SVOP: variants seen among roughly 807,000 people sequenced by gnomAD.
SVOP encodes the protein SV2 related protein.
In SVOP, 17 loss-of-function variants were observed where a neutral mutation model predicts 69.1. The observed-to-expected ratio is 0.25, with a 90% CI of 0.17 to 0.37. The LOEUF (loss-of-function observed/expected upper bound fraction) is 0.37, where lower values mean the gene tolerates loss of function less well. Among genes scored for constraint, SVOP ranks in the 10% least tolerant of loss-of-function variants. The probability of loss-of-function intolerance (pLI) is 1.00; values close to 1 mark genes in which losing one functional copy is unlikely to be tolerated. For synonymous variants in SVOP, 238 were observed against 238.6 expected (o/e 1.00, Z 0.02); for missense variants, 435 against 597.5 (o/e 0.73, Z 2.84).
In SVOP at chr12:108,990,014, G is replaced by T. The variant is rs755828796; in HGVS notation, c.36-6253C>A. ...TATACATGAGGAAATGGCTGCTCAGGTTACAGCAGTTGCCCTAGGTCACAC... is the reference window on the plus strand; with the variant it reads ...TATACATGAGGAAATGGCTGCTCAGTTTACAGCAGTTGCCCTAGGTCACAC... On this transcript the variant is annotated intron_variant, in intron 1 of 15. Transcript: ENST00000610966. Among the ~76,000 whole-genome samples, 20 of 152,270 alleles carry T rather than the reference G, an allele frequency of 1.3e-4. 1 individual carries two copies. The highest frequency in any genetic ancestry group is 6.8e-3 in the Middle Eastern group (2 of 294).
chr12:108,981,203 T>C (rs2040133636), intron 2 of SVOP, among the ~76,000 whole-genome samples: 1 of 152,228 alleles, frequency 6.6e-6, no homozygotes, highest in South Asian at 2.1e-4. Flanking sequence ...TGCCGAAAGC[T>C]AGATGTGCAT....
At chr12:108,987,395 T>C (rs2040171489) in intron 1 of SVOP, among the ~76,000 whole-genome samples, 1 of 152,254 alleles carries the variant, frequency 6.6e-6, no homozygotes, top group African/African-American at 2.4e-5. Context: ...AATAATGCTG[T>C]AATGAACATG....
At chr12:108,987,404 T>C (rs1005521742) in intron 1 of SVOP, among the ~76,000 whole-genome samples, 2 of 152,214 alleles carry the variant, frequency 1.3e-5, no homozygotes, top group East Asian at 3.8e-4. Context: ...GTAATGAACA[T>C]GAGTGTACAA....
chr12:108,919,556 C>T (rs1403293847), intron 13 of SVOP, 119 bp downstream of exon 13: 1 of 715,206 alleles, frequency 1.4e-6, no homozygotes, highest in Non-Finnish European at 2.4e-6. Context: ...CTTGGGCCTG[C>T]ACCTCCACCT....
intron 1 of SVOP, among the ~76,000 whole-genome samples, chr12:109,016,283 C>T (rs1277326376): frequency 2.6e-5 from 4 of 152,234 alleles, no homozygotes; most frequent in Non-Finnish European, 5.9e-5. Context: ...GAACCCAGAT[C>T]TGCCTGAGTC....
At chr12:109,004,900 G>A (rs1316578873) in intron 1 of SVOP, among the ~76,000 whole-genome samples, 1 of 151,694 alleles carries the variant, frequency 6.6e-6, no homozygotes, top group East Asian at 1.9e-4. Context: ...ACCATGCCTA[G>A]CTAAGTTTTG....
chr12:108,943,143 C>T (rs1207485511), intron 7 of SVOP, among the ~76,000 whole-genome samples: 1 of 152,110 alleles, frequency 6.6e-6, no homozygotes, highest in Non-Finnish European at 1.5e-5. Context: ...AACTACAGTC[C>T]ATTCCAAAAC....
chr12:108,922,608 A>G (rs56314725), intron 12 of SVOP, 82 bp downstream of exon 12: 59,887 of 994,070 alleles, frequency 0.06, 2,143 homozygotes, highest in Non-Finnish European at 0.076. Flanking sequence ...GCTTCCAGGT[A>G]GGGTAGACAG....
At chr12:108,991,654 C>T (rs1341505240) in intron 1 of SVOP, among the ~76,000 whole-genome samples, 2 of 151,868 alleles carry the variant, frequency 1.3e-5, no homozygotes, top group East Asian at 2.0e-4. Flanking sequence ...CAGACTTTCT[C>T]CATGTTGGCC....
intron 2 of SVOP, among the ~76,000 whole-genome samples, chr12:108,979,990 A>T (rs2040127316): frequency 6.6e-6 from 1 of 152,122 alleles, no homozygotes; most frequent in African/African-American, 2.4e-5. Flanking sequence ...TGGGCAGCAT[A>T]GTGAGTCCCC....
chr12:108,982,863 CCAT>C (rs1263544071), intron 2 of SVOP, among the ~76,000 whole-genome samples: 23 of 129,572 alleles, frequency 1.8e-4, no homozygotes, highest in African/African-American at 6.1e-4. Flanking sequence ...ATCATCACCA[CCAT>C]CATCATCATC....
At chr12:108,981,742 G>A (rs899731504) in intron 2 of SVOP, among the ~76,000 whole-genome samples, 24 of 152,274 alleles carry the variant, frequency 1.6e-4, no homozygotes, top group African/African-American at 4.8e-4. Flanking sequence ...CATGTAAACT[G>A]GTTAGAGCAG....
At chr12:108,956,460 C>T (rs896981345) in intron 6 of SVOP, among the ~76,000 whole-genome samples, 1 of 152,198 alleles carries the variant, frequency 6.6e-6, no homozygotes, top group Non-Finnish European at 1.5e-5. Context: ...CCCTCCAATG[C>T]TGATCTTGCT....
intron 7 of SVOP, among the ~76,000 whole-genome samples, chr12:108,943,842 CCTT>C (rs370163741): frequency 6.9e-6 from 1 of 144,720 alleles, no homozygotes; most frequent in East Asian, 2.0e-4. Context: ...TCCTCCTCCT[CCTT>C]CTTCTCCCTT....
intron 1 of SVOP, among the ~76,000 whole-genome samples, chr12:108,986,024 C>T (rs1195845461): frequency 6.6e-6 from 1 of 152,192 alleles, no homozygotes; most frequent in Non-Finnish European, 1.5e-5. Flanking sequence ...CCTGAGCTGT[C>T]AGGCTCGTCT....
At chr12:108,946,510 A>G (rs977817311) in intron 6 of SVOP, among the ~76,000 whole-genome samples, 1 of 151,976 alleles carries the variant, frequency 6.6e-6, no homozygotes, top group Non-Finnish European at 1.5e-5. Flanking sequence ...CTATCCATTT[A>G]ATCAGTATAG....
chr12:109,003,797 A>G (rs2040288659), intron 1 of SVOP, among the ~76,000 whole-genome samples: 1 of 152,150 alleles, frequency 6.6e-6, no homozygotes, highest in South Asian at 2.1e-4. Context: ...TTGTAGAGAT[A>G]GGGTCTCACT....
At position 108,912,233 on chromosome 12, in the gene SVOP, C is replaced by T; in HGVS notation, c.*302G>A. 1.6e-6 allele frequency: 2 copies of T among 1,262,670 alleles called. No homozygotes were observed. The highest frequency in any genetic ancestry group is 2.0e-6 in the Non-Finnish European group (2 of 998,510). The allele number at this position is 1,262,670 out of a possible 1,614,324, so 78.2% of individuals were successfully genotyped here. ...TTGGCCGGGTGACTCTGGGTGGTGT[C>T]TGATTGGTTGCTGGCATTACCAGAC... On this transcript the variant is annotated 3_prime_UTR_variant, in exon 16 of 16. Coordinates refer to ENST00000610966, the MANE Select transcript of SVOP (RefSeq NM_018711.5).
intron 7 of SVOP, among the ~76,000 whole-genome samples, chr12:108,944,832 C>T (rs140807916): frequency 2.0e-3 from 310 of 152,256 alleles, no homozygotes; most frequent in African/African-American, 7.1e-3. Flanking sequence ...AGCTATTTCC[C>T]GTTCAAGAAA....
Sources: gnomAD v4.1 joint callset for allele counts (sites outside exome capture counted in the v4.1 genomes callset) on GRCh38, gnomAD v4.1.1 for gene constraint, MANE v1.5 for transcripts, NCBI Gene and HGNC (gene_info 2026-07-23, HGNC 2026-07-21) for gene names.